Variants in PADI6 observed in about 807,000 individuals in gnomAD.
The protein encoded by PADI6 is inactive protein-arginine deiminase type-6.
PADI6 carries 66 observed loss-of-function variants against 78.2 expected under a neutral mutation model. The ratio of observed to expected loss-of-function variants is 0.84; its 90% confidence interval spans 0.69 to 1.04. The LOEUF (loss-of-function observed/expected upper bound fraction) is 1.04. PADI6 is among the 50% of genes least tolerant of loss of function. PADI6 has a pLI of 0.00. For missense variants in PADI6, 854 were observed against 866.1 expected, an observed-to-expected ratio of 0.99 and a Z score of 0.18; for synonymous variants, 397 against 346.9, an observed-to-expected ratio of 1.14 and a Z score of -1.60.
Position 17,388,418 on chromosome 1 carries a change from C to G in PADI6, c.717C>G (p.Pro239=). 1 of 1,613,536 alleles carries G rather than the reference C, an allele frequency of 6.2e-7. No individual in the cohort carries two copies. Among genetic ancestry groups the G allele is most frequent in the Non-Finnish European group, 8.5e-7 (1 of 1,179,734 alleles). The part of the protein sequence containing the change: ...NSSTFELVLG[P]DQHAYTLALL... ...GTACCTTTGAGTTGGTGCTGGGGCC[C>G]GACCAGCACGCCTATACCTTGGCCC... The change falls in exon 7 of 16, where the codon CCC becomes CCG. Residue 239 remains proline, a synonymous_variant. Transcript: ENST00000619609.
chr1:17,385,415 G>A (rs766498031), intron 6 of PADI6, among the ~76,000 whole-genome samples: 1 of 152,148 alleles, frequency 6.6e-6, no homozygotes, highest in Admixed American at 6.6e-5. Context: ...CTCTGAGAAG[G>A]GTCAAAGGGA....
chr1:17,391,374 C>T (rs1229020780), intron 8 of PADI6, among the ~76,000 whole-genome samples: 1 of 152,144 alleles, frequency 6.6e-6, no homozygotes, highest in Non-Finnish European at 1.5e-5. Flanking sequence ...CATGTACTGC[C>T]ACGCCCAGCT....
chr1:17,385,185 G>C (rs943553886), intron 6 of PADI6, among the ~76,000 whole-genome samples: 2 of 133,678 alleles, frequency 1.5e-5, no homozygotes, highest in Non-Finnish European at 3.4e-5. Context: ...ACAGGAATGA[G>C]ACGATAGTGT....
intron 15 of PADI6, among the ~76,000 whole-genome samples, 198 bp downstream of exon 15, chr1:17,399,045 G>A (rs2075275567): frequency 6.6e-6 from 1 of 152,144 alleles, no homozygotes; most frequent in African/African-American, 2.4e-5. Flanking sequence ...CTGAAGGCTT[G>A]GAGGTTCCCC....
chr1:17,390,804 C>T (rs1431327863), intron 8 of PADI6, among the ~76,000 whole-genome samples: 3 of 152,112 alleles, frequency 2.0e-5, no homozygotes, highest in Admixed American at 6.6e-5. Context: ...TGTGGTATCT[C>T]GAGTATTTGA....
chr1:17,396,414 G>GAA lies in PADI6; in HGVS notation c.1619-655_1619-654dup, dbSNP rs2075247710. Among the ~76,000 whole-genome samples the GAA allele has an allele frequency of 3.3e-5, 5 of 152,266 alleles. No individual in the cohort carries two copies. The South Asian group carries it at 1.0e-3, about 32-fold the overall frequency. ...AAATAATAAAGGCTGTAGGAACCCA[G>GAA]AAAGGGGCTGGGGGTATTAGGTTTT... On this transcript the variant is annotated intron_variant, in intron 13 of 15. Coordinates refer to ENST00000619609, the MANE Select transcript of PADI6 (RefSeq NM_207421.4).
Position 17,395,662 on chromosome 1 carries a change from T to TG in PADI6, c.1618+1dup, listed in dbSNP as rs764656893. On this transcript the variant is annotated frameshift_variant and splice_region_variant, in exon 13 of 16. Coordinates refer to ENST00000619609, the MANE Select transcript of PADI6 (RefSeq NM_207421.4). LOFTEE classifies it high-confidence loss of function. ...TTAGAGCAGATCAGCTCCTGTCTAA[T>TG]GGTAAGGGAACTCCCTTTCCACAGA... The TG allele has an allele frequency of 6.2e-7, 1 of 1,611,204 alleles. No individual in the cohort carries two copies.
chr1:17,387,272 C>T (rs750883565), intron 6 of PADI6, among the ~76,000 whole-genome samples: 16 of 151,992 alleles, frequency 1.1e-4, no homozygotes, highest in Non-Finnish European at 1.9e-4. Context: ...GGTAAAACCC[C>T]ATCTCTACTA....
At chr1:17,376,255 G>C (rs1368486590) in intron 3 of PADI6, among the ~76,000 whole-genome samples, 1 of 151,626 alleles carries the variant, frequency 6.6e-6, no homozygotes, top group Non-Finnish European at 1.5e-5. Context: ...TTACAAGCGT[G>C]AGCCACTGTG....
chr1:17,392,682 G>A (rs1449616448), intron 9 of PADI6, among the ~76,000 whole-genome samples: 2 of 152,234 alleles, frequency 1.3e-5, no homozygotes, highest in South Asian at 2.1e-4. Context: ...AACATATGCT[G>A]TCCCATGTTA....
In PADI6 at chr1:17,375,416, T is replaced by C; in HGVS notation, c.295-11T>C. The C allele has an allele frequency of 6.2e-7, 1 of 1,609,120 alleles. No individual in the cohort carries two copies. The highest frequency in any genetic ancestry group is 8.5e-7 in the Non-Finnish European group (1 of 1,177,588). On this transcript the variant is annotated splice_polypyrimidine_tract_variant and intron_variant, in intron 2 of 15. Transcript: ENST00000619609. The stretch of plus-strand genomic sequence containing the variant: ...AACACTGCCTATGGTTTCGGGATGC[T>C]GTCTCCACAGGTCTCGGTCACATAC...
chr1:17,384,959 G>A (rs1276139081), intron 6 of PADI6, among the ~76,000 whole-genome samples: 1 of 152,238 alleles, frequency 6.6e-6, no homozygotes, highest in Non-Finnish European at 1.5e-5. Context: ...TCTGAAGCTG[G>A]TAGTACACGG....
At chr1:17,398,648 T>G (rs1348843486) in intron 14 of PADI6, 38 bp from the exon 15 acceptor site, 1 of 193,328 alleles carries the variant, frequency 5.2e-6, no homozygotes, top group Non-Finnish European at 9.0e-6. Flanking sequence ...CTCTCCTTGC[T>G]CCCCCGCCCC....
chr1:17,395,056 G>T lies in PADI6; in HGVS notation c.1443G>T (p.Val481=). 1 of 1,614,002 alleles carries T rather than the reference G, an allele frequency of 6.2e-7. No individual in the cohort carries two copies. Among genetic ancestry groups the T allele is most frequent in the Non-Finnish European group, 8.5e-7 (1 of 1,179,928 alleles). ...LYSDWLMTGH[V]DEFMCFIPTD... Reference sequence around the variant, plus strand: ...CAGATTGGCTAATGACTGGCCACGTGGATGAGTTCATGTGCTTCATCCCCA... The same window carrying T: ...CAGATTGGCTAATGACTGGCCACGTTGATGAGTTCATGTGCTTCATCCCCA... The change falls in exon 12 of 16, where the codon GTG becomes GTT. Residue 481 remains valine, a synonymous_variant. Coordinates refer to ENST00000619609, the MANE Select transcript of PADI6 (RefSeq NM_207421.4).
At chr1:17,388,705 C>A in intron 7 of PADI6, 72 bp from the exon 8 acceptor site, 1 of 1,518,256 alleles carries the variant, frequency 6.6e-7, no homozygotes, top group Non-Finnish European at 9.0e-7. Context: ...ACTGAACGGC[C>A]GGAACCCTGG....
In PADI6 at chr1:17,381,111, A is replaced by T. The variant is rs1455518145; in HGVS notation, c.500A>T (p.Asp167Val). The change falls in exon 5 of 16, where the codon GAT becomes GTT. Residue 167 changes from aspartate (D) to valine (V), a missense_variant. By Grantham distance (152) the Asp-to-Val change is radical (BLOSUM62 -3). Transcript: ENST00000619609. The part of the protein sequence containing the change: ...AILLVNCNPA[D>V]VGQQLEDKKT... ...CTGCTTGTGAATTGCAACCCTGCTG[A>T]TGTGGGCCAGCAACTTGAGGACAAG... The T allele has an allele frequency of 1.9e-6, 3 of 1,610,118 alleles. No individual in the cohort carries two copies. The highest frequency in any genetic ancestry group is 3.4e-5 in the Admixed American group (2 of 59,488).
intron 6 of PADI6, among the ~76,000 whole-genome samples, chr1:17,387,042 C>T (rs893472989): frequency 2.6e-5 from 4 of 152,146 alleles, no homozygotes; most frequent in African/African-American, 7.2e-5. Flanking sequence ...CAGGAACAGC[C>T]ATCAGGCCTA....
intron 13 of PADI6, among the ~76,000 whole-genome samples, chr1:17,396,519 G>A (rs1347597916): frequency 6.6e-6 from 1 of 152,130 alleles, no homozygotes; most frequent in Non-Finnish European, 1.5e-5. Context: ...TTTCCACCCT[G>A]CTCCACACCT....
chr1:17,386,381 C>T (rs2075119851), intron 6 of PADI6, among the ~76,000 whole-genome samples: 1 of 152,218 alleles, frequency 6.6e-6, no homozygotes. Flanking sequence ...GGGATTGTGG[C>T]AAACAGACTG....
Sources: allele counts gnomAD v4.1 joint callset (sites outside exome capture counted in the v4.1 genomes callset), GRCh38; gene constraint gnomAD v4.1.1; transcripts MANE v1.5; gene names NCBI Gene and HGNC (gene_info 2026-07-23, HGNC 2026-07-21).